GAS7: variants seen among roughly 807,000 people sequenced by gnomAD.
GAS7 encodes the protein growth arrest specific 7.
Under a neutral mutation model 71.1 loss-of-function variants are expected in GAS7, and 28 were observed. The observed-to-expected ratio is 0.39, with a 90% CI of 0.29 to 0.54. The LOEUF (loss-of-function observed/expected upper bound fraction) is 0.54. Ranked by LOEUF, GAS7 falls within the 20% of genes least tolerant of loss-of-function variation. The probability of loss-of-function intolerance (pLI) is 0.62; values close to 1 mark genes in which losing one functional copy is unlikely to be tolerated. For synonymous variants in GAS7, 258 were observed against 245.8 expected (o/e 1.05, Z -0.46); for missense variants, 436 against 627.8 (o/e 0.69, Z 3.27).
intron 1 of GAS7, among the ~76,000 whole-genome samples, chr17:10,134,998 A>G (rs2074027487): frequency 6.6e-6 from 1 of 151,672 alleles, no homozygotes; most frequent in South Asian, 2.1e-4. Context: ...ACGCCCGGGT[A>G]ATTCTTGTAT....
intron 1 of GAS7, among the ~76,000 whole-genome samples, chr17:10,175,173 G>T (rs2074364291): frequency 6.6e-6 from 1 of 151,142 alleles, no homozygotes; most frequent in Non-Finnish European, 1.5e-5. Context: ...TGATAATAAG[G>T]TAAAGAAGTG....
At chr17:9,939,919 T>G (rs2068539935) in intron 8 of GAS7, among the ~76,000 whole-genome samples, 1 of 152,158 alleles carries the variant, frequency 6.6e-6, no homozygotes, top group African/African-American at 2.4e-5. Context: ...AAGTGCCCTT[T>G]TGAGTGTGGA....
chr17:10,127,392 G>A lies in GAS7; in HGVS notation c.183+70816C>T, dbSNP rs1230506738. Among the ~76,000 whole-genome samples, 3 of 152,222 alleles carry A rather than the reference G, an allele frequency of 2.0e-5. No homozygotes were observed. The East Asian group carries it at 5.8e-4, about 30-fold the overall frequency. On this transcript the variant is annotated intron_variant, in intron 1 of 13. Transcript: ENST00000432992. Reference sequence around the variant, plus strand: ...GCCCAGGAAGTGAGTGTGCCAGCTGGGGATGAGCAGGTCAGGAGGCGGGGA... The same window carrying A: ...GCCCAGGAAGTGAGTGTGCCAGCTGAGGATGAGCAGGTCAGGAGGCGGGGA...
At chr17:10,142,315 C>T (rs1355836348) in intron 1 of GAS7, among the ~76,000 whole-genome samples, 1 of 151,854 alleles carries the variant, frequency 6.6e-6, no homozygotes, top group Non-Finnish European at 1.5e-5. Context: ...GAAATGTACA[C>T]ACAAAGTCAA....
In GAS7 at chr17:9,911,821, A is replaced by G. The variant is rs892135695; in HGVS notation, c.*5407T>C. 1.3e-5 allele frequency: 3 copies of G among 230,884 alleles called. No homozygotes were observed. Among genetic ancestry groups the G allele is most frequent in the South Asian group, 3.6e-4 (2 of 5,502 alleles). 14.3% of individuals were successfully genotyped at this position (230,884 alleles called of 1,614,324 possible). A position where few individuals can be genotyped will look rare whatever the true frequency, so the allele number is the denominator to read the frequency against. ...TCTGGTTCGCATAGAGAGGTACCCAACTGGTCTCGGGACTCACCTTTCACT... is the reference window on the plus strand; with the variant it reads ...TCTGGTTCGCATAGAGAGGTACCCAGCTGGTCTCGGGACTCACCTTTCACT... On this transcript the variant is annotated 3_prime_UTR_variant, in exon 14 of 14. Coordinates refer to ENST00000432992, the MANE Select transcript of GAS7 (RefSeq NM_201433.2). The surrounding 1 kb of genome is among the most constrained non-coding windows in gnomAD (Gnocchi z 4.0).
chr17:9,995,646 G>C (rs1375369044), intron 2 of GAS7, among the ~76,000 whole-genome samples: 2 of 152,082 alleles, frequency 1.3e-5, no homozygotes, highest in East Asian at 3.8e-4. Context: ...CCTCCTTTGT[G>C]ACTGATAACC....
chr17:9,924,771 T>C (rs1179509801), intron 11 of GAS7: 1 of 152,178 alleles, frequency 6.6e-6, no homozygotes, highest in East Asian at 1.9e-4. Context: ...ACTCTAATAC[T>C]ACGGCACACA....
intron 1 of GAS7, among the ~76,000 whole-genome samples, chr17:10,072,524 G>C (rs1345992413): frequency 6.6e-6 from 1 of 152,132 alleles, no homozygotes. Context: ...GCCAAGGCAG[G>C]AGTCCCATGA....
chr17:10,164,731 A>G (rs1406254897), intron 1 of GAS7, among the ~76,000 whole-genome samples: 1 of 151,402 alleles, frequency 6.6e-6, no homozygotes, highest in Admixed American at 6.6e-5. Context: ...AATGGCTCAC[A>G]CCTATAATCT....
At chr17:10,013,067 C>T (rs112351187) in intron 2 of GAS7, among the ~76,000 whole-genome samples, 8,763 of 149,128 alleles carry the variant, frequency 0.059, 803 homozygotes, top group African/African-American at 0.2. Flanking sequence ...CGTGCCACTG[C>T]ACTCCAGCCT....
At chr17:10,160,081 T>C (rs1597827110) in intron 1 of GAS7, among the ~76,000 whole-genome samples, 1 of 150,064 alleles carries the variant, frequency 6.7e-6, no homozygotes, top group Non-Finnish European at 1.5e-5. Context: ...ACCTAGCTAA[T>C]TTCTTGTAGG....
chr17:9,955,441 G>A lies in GAS7; in HGVS notation c.525+3761C>T, dbSNP rs545409208. On this transcript the variant is annotated intron_variant, in intron 5 of 13. Transcript: ENST00000432992. Reference sequence around the variant, plus strand: ...TAATGTGCCAGCCACAGTTCTCAGCGTTTTACACGTATTAGCTCATTGAAT... The same window carrying A: ...TAATGTGCCAGCCACAGTTCTCAGCATTTTACACGTATTAGCTCATTGAAT... Among the ~76,000 whole-genome samples, 10 of 152,314 alleles carry A rather than the reference G, an allele frequency of 6.6e-5. 1 individual carries two copies. In the East Asian group the frequency reaches 1.5e-3, roughly 23 times the overall value.
chr17:9,996,532 T>G (rs549400791), intron 2 of GAS7, among the ~76,000 whole-genome samples: 91 of 148,598 alleles, frequency 6.1e-4, no homozygotes, highest in African/African-American at 2.2e-3. Context: ...GTAACTAACC[T>G]GTGCACATGT....
chr17:10,124,243 A>G (rs2073927465), intron 1 of GAS7, among the ~76,000 whole-genome samples: 1 of 152,134 alleles, frequency 6.6e-6, no homozygotes, highest in Admixed American at 6.5e-5. Flanking sequence ...TGGACATGGA[A>G]ATGACAGTCC....
chr17:10,049,753 T>A (rs1345511996), intron 1 of GAS7, among the ~76,000 whole-genome samples: 2 of 151,218 alleles, frequency 1.3e-5, no homozygotes, highest in Admixed American at 6.6e-5. Flanking sequence ...CCCGAGTAGC[T>A]GGGACTACAG....
chr17:10,036,426 A>G (rs373895924), intron 1 of GAS7: 15 of 1,605,076 alleles, frequency 9.3e-6, no homozygotes, highest in Admixed American at 6.7e-5. Context: ...AGAAAAATCA[A>G]TTCTTACCAT....
At chr17:10,162,445 C>A (rs2953450) in intron 1 of GAS7, among the ~76,000 whole-genome samples, 5 of 152,198 alleles carry the variant, frequency 3.3e-5, no homozygotes, top group East Asian at 1.9e-4. Flanking sequence ...TCCCCCCTCC[C>A]ACTCATTCTT....
chr17:10,044,047 G>GGCAGCA (rs2072911376), intron 1 of GAS7, among the ~76,000 whole-genome samples: 1 of 152,214 alleles, frequency 6.6e-6, no homozygotes, highest in African/African-American at 2.4e-5. Flanking sequence ...TTGAAATGGT[G>GGCAGCA]GCAGCAGCAG....
At chr17:10,037,686 G>A (rs2072781322) in intron 1 of GAS7, among the ~76,000 whole-genome samples, 1 of 146,460 alleles carries the variant, frequency 6.8e-6, no homozygotes, top group Admixed American at 6.9e-5. Flanking sequence ...AGTGTAAAAT[G>A]CAGATGATCA....
Sources: gnomAD v4.1 joint callset for allele counts (sites outside exome capture counted in the v4.1 genomes callset) on GRCh38, gnomAD v4.1.1 for gene constraint, Gnocchi (gnomAD v3.1) non-coding constraint, MANE v1.5 for transcripts, NCBI Gene and HGNC (gene_info 2026-07-23, HGNC 2026-07-21) for gene names.